The following OCA2 variants were observed in gnomAD, a reference collection of about 807,000 sequenced individuals.
OCA2 encodes OCA2 melanosomal transmembrane protein.
A neutral mutation model predicts 100.2 loss-of-function variants in OCA2; 77 were observed. The observed-to-expected ratio is 0.77, with a 90% confidence interval of 0.64 to 0.93. The LOEUF (loss-of-function observed/expected upper bound fraction) is 0.93. OCA2 is among the 40% of genes least tolerant of loss of function. The pLI, the probability that OCA2 is intolerant of heterozygous loss-of-function variation, is 0.00. For missense variants in OCA2, 1,062 were observed against 1,089.1 expected (o/e 0.98, Z 0.35); for synonymous variants, 432 against 439.2 (o/e 0.98, Z 0.21).
intron 23 of OCA2, among the ~76,000 whole-genome samples, chr15:27,843,008 T>C (rs866606208): frequency 6.6e-6 from 1 of 152,176 alleles, no homozygotes; most frequent in African/African-American, 2.4e-5. Context: ...TCCAAAGTGC[T>C]ACTTGGGAAA....
chr15:28,080,430 G>A (rs1179351112), intron 2 of OCA2, among the ~76,000 whole-genome samples: 1 of 152,222 alleles, frequency 6.6e-6, no homozygotes, highest in African/African-American at 2.4e-5. Flanking sequence ...TTCTATGCAA[G>A]GAGTTCACAC....
At chr15:27,968,922 G>GA (rs1415608051) in intron 14 of OCA2, among the ~76,000 whole-genome samples, 1 of 147,538 alleles carries the variant, frequency 6.8e-6, no homozygotes, top group Non-Finnish European at 1.5e-5. Context: ...CCAGATATCT[G>GA]AAAAAGATCC....
chr15:27,983,390 G>A lies in OCA2; in HGVS notation c.1458C>T (p.Asp486=), dbSNP rs2140964671. 6.2e-7 allele frequency: 1 copy of A among 1,614,190 alleles called. No individual in the cohort carries two copies. The highest frequency in any genetic ancestry group is 8.5e-7 in the Non-Finnish European group (1 of 1,180,032). ...NIGGAATAIG[D]PPNVIIVSNQ... is the part of the protein sequence containing the mutation. ...TGGAAACAATAATGACATTTGGAGGGTCCCCGATGGCAGTGGCAGCTCCTC... is the reference window on the plus strand; with the variant it reads ...TGGAAACAATAATGACATTTGGAGGATCCCCGATGGCAGTGGCAGCTCCTC... Residue 486 remains aspartate (D), a synonymous_variant, in exon 14 of 24, where the codon GAC becomes GAT. Transcript: ENST00000354638.
chr15:27,844,658 C>A (rs982972003), intron 23 of OCA2, among the ~76,000 whole-genome samples: 3 of 152,078 alleles, frequency 2.0e-5, no homozygotes, highest in Non-Finnish European at 2.9e-5. Flanking sequence ...GCTGCCATGC[C>A]CAGCTAATTT....
chr15:28,022,486 G>A lies in OCA2; in HGVS notation c.646+15C>T. On this transcript the variant is annotated intron_variant, in intron 6 of 23. Coordinates refer to ENST00000354638, the MANE Select transcript of OCA2 (RefSeq NM_000275.3). Reference sequence around the variant, plus strand: ...CAGCCAGGCGGCTGGCCATCTCAGAGTGGATTTTGGATACAGTAGTTCTCC... The same window carrying A: ...CAGCCAGGCGGCTGGCCATCTCAGAATGGATTTTGGATACAGTAGTTCTCC... The A allele has an allele frequency of 6.2e-7, 1 of 1,600,464 alleles. No homozygotes were observed. Among genetic ancestry groups the A allele is most frequent in the Non-Finnish European group, 8.6e-7 (1 of 1,167,532 alleles).
chr15:27,775,468 C>A (rs1029392972), intron 23 of OCA2, among the ~76,000 whole-genome samples: 1 of 152,168 alleles, frequency 6.6e-6, no homozygotes, highest in South Asian at 2.1e-4. Context: ...CTCACACCTC[C>A]TCTCCTCGTA....
At chr15:28,073,378 C>T (rs1047758760) in intron 2 of OCA2, among the ~76,000 whole-genome samples, 3 of 152,180 alleles carry the variant, frequency 2.0e-5, no homozygotes, top group Non-Finnish European at 4.4e-5. Flanking sequence ...TGCACCACTG[C>T]ACTCCAACCT....
rs191961256 is a variant in OCA2 at position 27,996,002 on chromosome 15, G to A, written c.1045-5355C>T. ...TAATTTTTGTATTTTCAGTAGAGAC[G>A]GGGTTTCACTGTGTTGGCCAGGATG... On this transcript the variant is annotated intron_variant, in intron 9 of 23. Coordinates refer to ENST00000354638, the MANE Select transcript of OCA2 (RefSeq NM_000275.3). 2.0e-3 allele frequency among the ~76,000 whole-genome samples: 301 copies of A among 151,978 alleles called. 3 individuals carry two copies. The highest frequency in any genetic ancestry group is 6.9e-3 in the African/African-American group (287 of 41,466).
At chr15:27,949,540 G>C (rs1406155215) in intron 18 of OCA2, among the ~76,000 whole-genome samples, 2 of 152,166 alleles carry the variant, frequency 1.3e-5, no homozygotes, top group Non-Finnish European at 2.9e-5. Context: ...GCGCATTCCT[G>C]TAATGCCAAC....
chr15:27,905,068 G>A (rs2038119649), intron 19 of OCA2, among the ~76,000 whole-genome samples: 1 of 151,450 alleles, frequency 6.6e-6, no homozygotes, highest in Non-Finnish European at 1.5e-5. Context: ...GGAGGCTGAG[G>A]CAGGAGAATT....
the OCA2 span, among the ~76,000 whole-genome samples, chr15:27,735,556 A>T: frequency 6.6e-6 from 1 of 152,176 alleles, no homozygotes; most frequent in East Asian, 1.9e-4. Flanking sequence ...CAAACCCAGG[A>T]CATATTATAA....
chr15:27,845,018 G>A lies in OCA2; in HGVS notation c.2373C>T (p.Val791=), dbSNP rs761657884. Residue 791 remains valine, a synonymous_variant, in exon 23 of 24, where the codon GTC becomes GTT. Coordinates refer to ENST00000354638, the MANE Select transcript of OCA2 (RefSeq NM_000275.3). Reference sequence around the variant, plus strand: ...GCTGTTCTGCAATCCCTGCACACACGACGTTTGCCGACGCGCCAATCAGTG... The same window carrying A: ...GCTGTTCTGCAATCCCTGCACACACAACGTTTGCCGACGCGCCAATCAGTG... ...NGTLIGASAN[V]VCAGIAEQHG... 5.0e-6 allele frequency: 8 copies of A among 1,613,766 alleles called. No homozygotes were observed. Among genetic ancestry groups the A allele is most frequent in the Middle Eastern group, 1.6e-4 (1 of 6,084 alleles).
intron 23 of OCA2, among the ~76,000 whole-genome samples, chr15:27,788,666 T>C (rs947312313): frequency 1.3e-5 from 2 of 152,148 alleles, no homozygotes; most frequent in African/African-American, 4.8e-5. Context: ...ATCTAGTTTG[T>C]AAATCTATGC....
At chr15:27,946,106 C>T (rs562391263) in intron 18 of OCA2, among the ~76,000 whole-genome samples, 1 of 152,194 alleles carries the variant, frequency 6.6e-6, no homozygotes, top group African/African-American at 2.4e-5. Flanking sequence ...AGGGTGCTGG[C>T]CCTGAACCTC....
intron 23 of OCA2, among the ~76,000 whole-genome samples, chr15:27,842,906 A>G (rs1332363398): frequency 6.6e-6 from 1 of 152,234 alleles, no homozygotes; most frequent in Non-Finnish European, 1.5e-5. Flanking sequence ...GCCCACATGC[A>G]TCACCCACTG....
At chr15:28,014,145 T>C (rs1177144348) in intron 9 of OCA2, among the ~76,000 whole-genome samples, 1 of 152,146 alleles carries the variant, frequency 6.6e-6, no homozygotes, top group Non-Finnish European at 1.5e-5. Context: ...GTCCGTGTTG[T>C]GGTTAAGTTT....
At chr15:27,971,655 C>T (rs990368907) in intron 14 of OCA2, among the ~76,000 whole-genome samples, 4 of 152,130 alleles carry the variant, frequency 2.6e-5, no homozygotes, top group South Asian at 4.1e-4. Context: ...ACCTAAGCCT[C>T]GTGCAGCAAT....
chr15:27,813,932 A>G (rs2034177224), intron 23 of OCA2, among the ~76,000 whole-genome samples: 1 of 152,254 alleles, frequency 6.6e-6, no homozygotes, highest in African/African-American at 2.4e-5. Flanking sequence ...ATAGATGTAC[A>G]TATTTTCAGA....
chr15:27,956,296 C>T (rs1416527966), intron 16 of OCA2, among the ~76,000 whole-genome samples: 1 of 152,180 alleles, frequency 6.6e-6, no homozygotes, highest in Non-Finnish European at 1.5e-5. Flanking sequence ...TTGCAGTGAG[C>T]CGAGATCATG....
Sources: allele counts gnomAD v4.1 joint callset (sites outside exome capture counted in the v4.1 genomes callset), GRCh38; gene constraint gnomAD v4.1.1; transcripts MANE v1.5; gene names NCBI Gene and HGNC (gene_info 2026-07-23, HGNC 2026-07-21).